The following ZNF385D variants were observed in gnomAD, a reference collection of about 807,000 sequenced individuals.
ZNF385D encodes the protein zinc finger protein 659.
ZNF385D carries 15 observed loss-of-function variants against 35.8 expected under a neutral mutation model. The ratio of observed to expected loss-of-function variants is 0.42; its 90% CI spans 0.28 to 0.64. The LOEUF (loss-of-function observed/expected upper bound fraction) is 0.64, where lower values mean the gene tolerates loss of function less well. Ranked by LOEUF, ZNF385D falls within the 30% of genes least tolerant of loss-of-function variation. ZNF385D has a pLI of 0.23. For synonymous variants in ZNF385D, 212 were observed against 186.8 expected (o/e 1.13, Z -1.10); for missense variants, 474 against 494.6 (o/e 0.96, Z 0.39).
rs117603063 is a variant in ZNF385D, at chr3:21,936,383, T to A, written c.325+232434A>T. Among the ~76,000 whole-genome samples the A allele has an allele frequency of 1.5e-3, 192 of 125,546 alleles. 1 individual carries two copies. Among genetic ancestry groups the A allele is most frequent in the Admixed American group, 0.013 (173 of 12,874 alleles). The allele number at this position is 125,546 out of a possible 152,430, so 82.4% of individuals were successfully genotyped here. A position where few individuals can be genotyped will look rare whatever the true frequency, so the allele number is the denominator to read the frequency against. On this transcript the variant is annotated intron_variant, in intron 3 of 5. Transcript: ENST00000494108. ...AGTAGTGTGAGCATATTAGCTGAGATGTGTAACAATTTTTTTTTTTTGGCT... is the reference window on the plus strand; with the variant it reads ...AGTAGTGTGAGCATATTAGCTGAGAAGTGTAACAATTTTTTTTTTTTGGCT...
intron 3 of ZNF385D, among the ~76,000 whole-genome samples, chr3:21,850,113 G>A (rs541452494): frequency 6.6e-6 from 1 of 152,112 alleles, no homozygotes; most frequent in South Asian, 2.1e-4. Context: ...ATATGGACAT[G>A]TAAAATTAAG....
chr3:22,142,350 C>T (rs949669005), intron 3 of ZNF385D, among the ~76,000 whole-genome samples: 5 of 151,876 alleles, frequency 3.3e-5, no homozygotes, highest in African/African-American at 7.3e-5. Flanking sequence ...TTGGTTTATT[C>T]GATATTATCT....
At chr3:21,809,076 A>G (rs1337824214) in intron 3 of ZNF385D, among the ~76,000 whole-genome samples, 2 of 152,234 alleles carry the variant, frequency 1.3e-5, no homozygotes, top group Admixed American at 6.5e-5. Context: ...CTCATCTTAT[A>G]TAGAACTAGA....
intron 3 of ZNF385D, among the ~76,000 whole-genome samples, chr3:22,049,073 G>A (rs1699184412): frequency 6.6e-6 from 1 of 151,972 alleles, no homozygotes; most frequent in Non-Finnish European, 1.5e-5. Context: ...TATGTGGGTG[G>A]ATAATTTCAG....
intron 1 of ZNF385D, among the ~76,000 whole-genome samples, chr3:21,687,403 T>A (rs1360144817): frequency 1.3e-5 from 2 of 152,194 alleles, no homozygotes; most frequent in Non-Finnish European, 2.9e-5. Flanking sequence ...TAATTTTTTT[T>A]ATTAATAGGC....
rs142159586 is a variant in ZNF385D, at chr3:22,252,606, A to G, written c.107-83571T>C. ...TTGTGCTAAGTATTTACCATGTATCATCTCATTTGACTAATGCTTTCTAGG... is the reference window on the plus strand; with the variant it reads ...TTGTGCTAAGTATTTACCATGTATCGTCTCATTTGACTAATGCTTTCTAGG... On this transcript the variant is annotated intron_variant, in intron 2 of 5. Transcript: ENST00000494108. 4.6e-5 allele frequency among the ~76,000 whole-genome samples: 7 copies of G among 152,194 alleles called. No individual in the cohort carries two copies. In the East Asian group the frequency reaches 1.2e-3, roughly 25 times the overall value.
chr3:21,557,259 G>C (rs540012077), intron 3 of ZNF385D, among the ~76,000 whole-genome samples: 1 of 152,302 alleles, frequency 6.6e-6, no homozygotes, highest in African/African-American at 2.4e-5. Flanking sequence ...CAAAGGGAAT[G>C]CTTCCAGTTT....
chr3:21,787,944 C>CAACAAAAAAAAAAAAAAAAAAAAAAA (rs2071763957), intron 3 of ZNF385D, among the ~76,000 whole-genome samples: 1 of 75,388 alleles, frequency 1.3e-5, no homozygotes, highest in Non-Finnish European at 2.3e-5. Context: ...TTCGTCTCAA[C>CAACAAAAAAAAAAAAAAAAAAAAAAA]AAAAAAAAAA....
chr3:22,319,459 A>C (rs2125442446), intron 2 of ZNF385D, among the ~76,000 whole-genome samples: 1 of 152,224 alleles, frequency 6.6e-6, no homozygotes, highest in South Asian at 2.1e-4. Flanking sequence ...TTTTTTAAAA[A>C]GAAAGAAAAT....
At chr3:21,788,713 C>G (rs2071802122) in intron 3 of ZNF385D, among the ~76,000 whole-genome samples, 1 of 152,152 alleles carries the variant, frequency 6.6e-6, no homozygotes, top group African/African-American at 2.4e-5. Flanking sequence ...GAATAAACTC[C>G]TCCATGCTCT....
At chr3:22,371,844 G>A (rs531951869) in intron 2 of ZNF385D, among the ~76,000 whole-genome samples, 4 of 152,198 alleles carry the variant, frequency 2.6e-5, no homozygotes, top group African/African-American at 9.6e-5. Flanking sequence ...GATTTCCTTG[G>A]AGGGACGCTT....
intron 2 of ZNF385D, among the ~76,000 whole-genome samples, chr3:22,367,768 A>G (rs1328336627): frequency 6.6e-6 from 1 of 152,174 alleles, no homozygotes; most frequent in South Asian, 2.1e-4. Flanking sequence ...CTTCTATTAT[A>G]CAAATTGCGG....
At chr3:22,182,640 G>T (rs979956853) in intron 2 of ZNF385D, among the ~76,000 whole-genome samples, 1 of 150,778 alleles carries the variant, frequency 6.6e-6, no homozygotes, top group Non-Finnish European at 1.5e-5. Flanking sequence ...AGATAAACTA[G>T]GTAGTATTCA....
intron 3 of ZNF385D, among the ~76,000 whole-genome samples, chr3:21,983,301 C>T (rs1694613546): frequency 7.5e-6 from 1 of 133,606 alleles, no homozygotes; most frequent in Non-Finnish European, 1.6e-5. Context: ...TCTCCCAATG[C>T]TATCCCTCCC....
intron 3 of ZNF385D, among the ~76,000 whole-genome samples, chr3:21,863,515 C>A (rs1697172342): frequency 6.6e-6 from 1 of 152,064 alleles, no homozygotes; most frequent in Non-Finnish European, 1.5e-5. Flanking sequence ...AAATTTAATA[C>A]ACACAGAATG....
intron 2 of ZNF385D, among the ~76,000 whole-genome samples, chr3:22,208,688 C>G (rs973643590): frequency 6.7e-6 from 1 of 149,360 alleles, no homozygotes; most frequent in Non-Finnish European, 1.5e-5. Context: ...AATATACACA[C>G]CTATTATGTA....
intron 4 of ZNF385D, among the ~76,000 whole-genome samples, chr3:21,509,183 A>C (rs1707014416): frequency 6.6e-6 from 1 of 152,172 alleles, no homozygotes; most frequent in Non-Finnish European, 1.5e-5. Context: ...AAGATAACCC[A>C]AAGATGAATT....
chr3:21,924,179 A>G (rs1246794485), intron 3 of ZNF385D, among the ~76,000 whole-genome samples: 1 of 152,206 alleles, frequency 6.6e-6, no homozygotes, highest in African/African-American at 2.4e-5. Context: ...ACAGATGTAT[A>G]TTTCCCTATT....
intron 3 of ZNF385D, among the ~76,000 whole-genome samples, chr3:21,875,735 G>A (rs546193328): frequency 6.6e-6 from 1 of 152,196 alleles, no homozygotes; most frequent in South Asian, 2.1e-4. Context: ...GCCACTCCAA[G>A]TAGTGGCAGC....
Sources: gnomAD v4.1 joint callset for allele counts (sites outside exome capture counted in the v4.1 genomes callset) on GRCh38, gnomAD v4.1.1 for gene constraint, MANE v1.5 for transcripts, NCBI Gene and HGNC (gene_info 2026-07-23, HGNC 2026-07-21) for gene names.